ASIC2: variants seen among roughly 807,000 people sequenced by gnomAD.
The protein encoded by ASIC2 is acid-sensing ion channel 2.
In ASIC2, 25 loss-of-function variants were observed where a neutral mutation model predicts 57.3. That is an observed-to-expected ratio of 0.44 (90% CI 0.32 to 0.61). The LOEUF (loss-of-function observed/expected upper bound fraction) is 0.61. Ranked by LOEUF, ASIC2 falls within the 20% of genes least tolerant of loss-of-function variation. ASIC2 has a pLI of 0.06. For missense variants in ASIC2, 641 were observed against 738.1 expected (o/e 0.87, Z 1.52); for synonymous variants, 319 against 307.5 (o/e 1.04, Z -0.39).
intron 1 of ASIC2, among the ~76,000 whole-genome samples, chr17:33,323,934 T>C (rs1231231875): frequency 6.6e-6 from 1 of 151,888 alleles, no homozygotes; most frequent in African/African-American, 2.4e-5. Context: ...CTTTGGGCAT[T>C]AGTAACATGA....
At chr17:33,179,447 G>A (rs900885553) in intron 1 of ASIC2, among the ~76,000 whole-genome samples, 4 of 152,304 alleles carry the variant, frequency 2.6e-5, no homozygotes, top group African/African-American at 7.2e-5. Flanking sequence ...TCACAATGTT[G>A]TCAAAAGGAT....
intron 1 of ASIC2, among the ~76,000 whole-genome samples, chr17:33,795,152 G>C (rs1311696354): frequency 6.6e-6 from 1 of 152,220 alleles, no homozygotes; most frequent in East Asian, 1.9e-4. Context: ...CATGAAGACT[G>C]TCTGTACTGA....
At chr17:33,111,868 C>A in intron 2 of ASIC2, 49 bp downstream of exon 2, 1 of 1,566,058 alleles carries the variant, frequency 6.4e-7, no homozygotes, top group Non-Finnish European at 8.7e-7. Flanking sequence ...AGAGTCAGGC[C>A]TGCAACCCTC....
At chr17:33,537,018 A>C (rs1413603211) in intron 1 of ASIC2, among the ~76,000 whole-genome samples, 1 of 152,240 alleles carries the variant, frequency 6.6e-6, no homozygotes, top group Non-Finnish European at 1.5e-5. Flanking sequence ...TCTCAAAAAA[A>C]TAAATAAAAA....
At chr17:34,154,354 A>C (rs1185089011) in intron 1 of ASIC2, among the ~76,000 whole-genome samples, 1 of 152,184 alleles carries the variant, frequency 6.6e-6, no homozygotes, top group Non-Finnish European at 1.5e-5. Flanking sequence ...CTGCATTTAG[A>C]AGAGCTTCCA....
At chr17:33,062,190 T>C (rs965667254) in intron 3 of ASIC2, among the ~76,000 whole-genome samples, 4 of 152,238 alleles carry the variant, frequency 2.6e-5, no homozygotes, top group Non-Finnish European at 4.4e-5. Context: ...TGGTTGTTTC[T>C]TGCCTTCTGC....
intron 1 of ASIC2, among the ~76,000 whole-genome samples, chr17:33,735,137 C>T (rs1036224858): frequency 6.6e-6 from 1 of 152,084 alleles, no homozygotes; most frequent in Non-Finnish European, 1.5e-5. Context: ...GTGCCCCGTG[C>T]CCAAACTCTT....
chr17:33,751,672 T>C (rs1022924783), intron 1 of ASIC2, among the ~76,000 whole-genome samples: 10 of 152,130 alleles, frequency 6.6e-5, no homozygotes, highest in African/African-American at 2.2e-4. Context: ...AACGTTTTGG[T>C]TTACTTTTTC....
chr17:33,510,558 G>A (rs1314975254), intron 1 of ASIC2, among the ~76,000 whole-genome samples: 1 of 152,188 alleles, frequency 6.6e-6, no homozygotes, highest in Non-Finnish European at 1.5e-5. Context: ...CCTGAGCCCA[G>A]GAGGTCGAGT....
At chr17:33,373,916 G>A (rs1909179641) in intron 1 of ASIC2, among the ~76,000 whole-genome samples, 2 of 152,178 alleles carry the variant, frequency 1.3e-5, no homozygotes, top group Admixed American at 1.3e-4. Context: ...GACCTCAGGT[G>A]ATCTGCCCAT....
intron 1 of ASIC2, among the ~76,000 whole-genome samples, chr17:33,476,544 GGTGTGTGTGTGTGTGTGT>G (rs59467363): frequency 9.6e-6 from 1 of 104,638 alleles, no homozygotes; most frequent in Non-Finnish European, 2.1e-5. Flanking sequence ...TATGTACAGG[GGTGTGTGTGTGTGTGTGT>G]GTGTGTGTGT....
chr17:34,043,502 T>C (rs895865160), intron 1 of ASIC2, among the ~76,000 whole-genome samples: 1 of 152,204 alleles, frequency 6.6e-6, no homozygotes, highest in Non-Finnish European at 1.5e-5. Context: ...ATTCCTACAA[T>C]GCAAAATGAT....
chr17:34,001,136 C>T (rs747036840), intron 1 of ASIC2: 5 of 152,150 alleles, frequency 3.3e-5, no homozygotes, highest in Non-Finnish European at 7.3e-5. Context: ...GATCATGTTT[C>T]TATGAATATA....
At chr17:33,429,581 G>A (rs949855605) in intron 1 of ASIC2, among the ~76,000 whole-genome samples, 11 of 151,902 alleles carry the variant, frequency 7.2e-5, no homozygotes, top group African/African-American at 1.2e-4. Flanking sequence ...TAGTAGAGAC[G>A]GGGTTTCACT....
intron 1 of ASIC2, among the ~76,000 whole-genome samples, chr17:33,629,549 G>A (rs1906095149): frequency 1.3e-5 from 2 of 152,334 alleles, no homozygotes; most frequent in South Asian, 4.1e-4. Context: ...TCTGTACAGT[G>A]AGGGAGGTGA....
intron 1 of ASIC2, among the ~76,000 whole-genome samples, chr17:33,398,414 G>T (rs1414525231): frequency 6.6e-6 from 1 of 152,122 alleles, no homozygotes; most frequent in Non-Finnish European, 1.5e-5. Flanking sequence ...CATGACTTTT[G>T]GAAACCTGTT....
At chr17:34,112,457 CAAAAAAAAA>C (rs35815808) in intron 1 of ASIC2, among the ~76,000 whole-genome samples, 3 of 79,988 alleles carry the variant, frequency 3.8e-5, no homozygotes, top group Admixed American at 2.6e-4. Context: ...CAAGACAGGC[CAAAAAAAAA>C]AAAAAAAGGA....
At chr17:33,814,730 G>A (rs1013756628) in intron 1 of ASIC2, among the ~76,000 whole-genome samples, 2 of 152,186 alleles carry the variant, frequency 1.3e-5, no homozygotes, top group Non-Finnish European at 2.9e-5. Context: ...GCAGGTGTGC[G>A]ACCGCATAAT....
At chr17:33,119,534 C>T (rs182335869) in intron 1 of ASIC2, among the ~76,000 whole-genome samples, 112 of 152,294 alleles carry the variant, frequency 7.4e-4, no homozygotes, top group Non-Finnish European at 1.4e-3. Context: ...AATTAAGGAG[C>T]TTGTCAATTA....
Sources: allele counts gnomAD v4.1 joint callset (sites outside exome capture counted in the v4.1 genomes callset), GRCh38; gene constraint gnomAD v4.1.1; transcripts MANE v1.5; gene names NCBI Gene and HGNC (gene_info 2026-07-23, HGNC 2026-07-21).